GRM7: variants seen among roughly 807,000 people sequenced by gnomAD.
GRM7 encodes glutamate metabotropic receptor 7.
GRM7 carries 35 observed loss-of-function variants against 84.5 expected under a neutral mutation model. The observed-to-expected ratio is 0.41, with a 90% CI of 0.32 to 0.55. The LOEUF (loss-of-function observed/expected upper bound fraction) is 0.55, where lower values mean the gene tolerates loss of function less well. Among genes scored for constraint, GRM7 ranks in the 20% least tolerant of loss-of-function variants. The pLI, the probability that GRM7 is intolerant of heterozygous loss-of-function variation, is 0.19. For synonymous variants in GRM7, 487 were observed against 455.1 expected, an observed-to-expected ratio of 1.07 and a Z score of -0.89; for missense variants, 1,003 against 1,194.6, an observed-to-expected ratio of 0.84 and a Z score of 2.36.
At chr3:6,945,690 G>C (rs1177309223) in intron 1 of GRM7, among the ~76,000 whole-genome samples, 1 of 152,136 alleles carries the variant, frequency 6.6e-6, no homozygotes, top group Admixed American at 6.5e-5. Flanking sequence ...CAGTGTAAAA[G>C]TGTTCCTATT....
chr3:7,566,975 T>C (rs1343884882), intron 7 of GRM7, among the ~76,000 whole-genome samples: 1 of 152,224 alleles, frequency 6.6e-6, no homozygotes, highest in Non-Finnish European at 1.5e-5. Context: ...TTTTTTGTTT[T>C]TGAGGATAAT....
intron 2 of GRM7, among the ~76,000 whole-genome samples, chr3:7,245,090 G>A (rs1262816779): frequency 3.9e-5 from 6 of 151,936 alleles, no homozygotes; most frequent in South Asian, 2.1e-4. Context: ...TTTGATCAGT[G>A]AGTTAGAGGA....
At chr3:7,450,961 A>C (rs532037330) in intron 5 of GRM7, among the ~76,000 whole-genome samples, 6 of 152,274 alleles carry the variant, frequency 3.9e-5, no homozygotes, top group Admixed American at 1.3e-4. Flanking sequence ...TCAGTGAAGC[A>C]ACCTAAAACA....
chr3:7,296,087 AAT>A (rs202090648), intron 2 of GRM7, among the ~76,000 whole-genome samples: 1 of 151,004 alleles, frequency 6.6e-6, no homozygotes, highest in Non-Finnish European at 1.5e-5. Flanking sequence ...TGTTATCATA[AAT>A]ATATATATAT....
intron 1 of GRM7, among the ~76,000 whole-genome samples, chr3:6,934,651 G>T (rs1317565350): frequency 6.6e-6 from 1 of 152,100 alleles, no homozygotes. Flanking sequence ...GAAGAGCAGG[G>T]GTGGAGATGA....
chr3:7,064,445 CA>C (rs1455693361), intron 1 of GRM7, among the ~76,000 whole-genome samples: 1 of 110,218 alleles, frequency 9.1e-6, no homozygotes, highest in African/African-American at 4.0e-5. Context: ...AGTATTCCCT[CA>C]TGTATGGATA....
intron 7 of GRM7, among the ~76,000 whole-genome samples, chr3:7,484,060 C>A (rs1241609904): frequency 6.6e-6 from 1 of 152,124 alleles, no homozygotes; most frequent in African/African-American, 2.4e-5. Context: ...AGATCTGATT[C>A]TATAATTAGT....
chr3:6,902,432 A>T (rs1489151047), intron 1 of GRM7, among the ~76,000 whole-genome samples: 4 of 152,178 alleles, frequency 2.6e-5, no homozygotes, highest in Admixed American at 2.6e-4. Flanking sequence ...ATAGATTTTT[A>T]ATGTTATTGA....
intron 2 of GRM7, among the ~76,000 whole-genome samples, chr3:7,148,279 A>C (rs928560234): frequency 6.6e-6 from 1 of 152,210 alleles, no homozygotes; most frequent in Non-Finnish European, 1.5e-5. Context: ...AAACATATCA[A>C]AAATTTCAGG....
chr3:7,505,837 G>A (rs1336575965), intron 7 of GRM7, among the ~76,000 whole-genome samples: 3 of 152,110 alleles, frequency 2.0e-5, no homozygotes, highest in Non-Finnish European at 4.4e-5. Context: ...CAGCCTCAAA[G>A]ATCTCTAAAA....
At position 7,294,125 on chromosome 3, in the gene GRM7, A is replaced by G. The variant is rs12630920; in HGVS notation, c.737-4559A>G. Among the ~76,000 whole-genome samples, 103 of 152,246 alleles carry G rather than the reference A, an allele frequency of 6.8e-4. No homozygotes were observed. In the East Asian group the frequency reaches 0.019, roughly 27 times the overall value. On this transcript the variant is annotated intron_variant, in intron 2 of 9. Coordinates refer to ENST00000357716, the MANE Select transcript of GRM7 (RefSeq NM_000844.4). ...CCCGTAAGAGGGGATGAGCGTCTCA[A>G]TTCTGCAGTCATGAAACTCCACACA...
chr3:6,915,750 A>C (rs932570651), intron 1 of GRM7, among the ~76,000 whole-genome samples: 1 of 152,238 alleles, frequency 6.6e-6, no homozygotes, highest in African/African-American at 2.4e-5. Context: ...GGGACAACAG[A>C]ATTCAGTATC....
chr3:7,719,435 A>T (rs1701868001), intron 9 of GRM7, among the ~76,000 whole-genome samples: 1 of 152,154 alleles, frequency 6.6e-6, no homozygotes, highest in Non-Finnish European at 1.5e-5. Context: ...GATTGTATTG[A>T]AGATCAATTT....
chr3:7,258,973 AT>A (rs1231618849), intron 2 of GRM7, among the ~76,000 whole-genome samples: 1 of 152,266 alleles, frequency 6.6e-6, no homozygotes, highest in Non-Finnish European at 1.5e-5. Context: ...TAAGATGCAT[AT>A]GAAAATCAAG....
At chr3:7,544,149 G>T (rs975447013) in intron 7 of GRM7, among the ~76,000 whole-genome samples, 1 of 152,168 alleles carries the variant, frequency 6.6e-6, no homozygotes, top group African/African-American at 2.4e-5. Flanking sequence ...CATGTGGAAA[G>T]AGCCCTGGGT....
intron 4 of GRM7, among the ~76,000 whole-genome samples, chr3:7,333,472 A>C (rs1701290131): frequency 6.6e-6 from 1 of 152,198 alleles, no homozygotes; most frequent in African/African-American, 2.4e-5. Flanking sequence ...CCATGGGGCA[A>C]AAGAATCTGA....
At chr3:7,213,750 T>G (rs1696509207) in intron 2 of GRM7, among the ~76,000 whole-genome samples, 1 of 152,056 alleles carries the variant, frequency 6.6e-6, no homozygotes, top group Non-Finnish European at 1.5e-5. Flanking sequence ...CTTGGACAAG[T>G]CACTAGAAAT....
chr3:7,097,313 A>G (rs901033352), intron 1 of GRM7, among the ~76,000 whole-genome samples: 3 of 152,192 alleles, frequency 2.0e-5, no homozygotes, highest in Non-Finnish European at 2.9e-5. Flanking sequence ...GTGTTTTTCA[A>G]TGCAATAACT....
intron 2 of GRM7, among the ~76,000 whole-genome samples, chr3:7,175,417 G>A (rs1695112786): frequency 6.6e-6 from 1 of 152,338 alleles, no homozygotes; most frequent in South Asian, 2.1e-4. Context: ...CAAAGACTTT[G>A]TTTAGAATGT....
Sources: gnomAD v4.1 joint callset for allele counts (sites outside exome capture counted in the v4.1 genomes callset) on GRCh38, gnomAD v4.1.1 for gene constraint, MANE v1.5 for transcripts, NCBI Gene and HGNC (gene_info 2026-07-23, HGNC 2026-07-21) for gene names.